KCNMB2: variants seen among roughly 807,000 people sequenced by gnomAD.
The protein encoded by KCNMB2 is calcium-activated potassium channel subunit beta-2.
KCNMB2 carries 9 observed loss-of-function variants against 24.5 expected under a neutral mutation model. The ratio of observed to expected loss-of-function variants is 0.37; its 90% CI spans 0.22 to 0.64. The LOEUF (loss-of-function observed/expected upper bound fraction) is 0.64. Among genes scored for constraint, KCNMB2 ranks in the 30% least tolerant of loss-of-function variants. The probability of loss-of-function intolerance (pLI) is 0.63; values close to 1 mark genes in which losing one functional copy is unlikely to be tolerated. For synonymous variants in KCNMB2, 109 were observed against 104.4 expected (o/e 1.04, Z -0.27); for missense variants, 226 against 284.3 (o/e 0.79, Z 1.47).
At chr3:178,764,566 G>A (rs539292274) in intron 1 of KCNMB2, among the ~76,000 whole-genome samples, 4 of 152,084 alleles carry the variant, frequency 2.6e-5, no homozygotes, top group East Asian at 1.9e-4. Context: ...TACATTCTAC[G>A]TTACTCACAG....
chr3:178,801,983 A>G (rs578190436), intron 1 of KCNMB2: 1 of 152,338 alleles, frequency 6.6e-6, no homozygotes, highest in African/African-American at 2.4e-5. Context: ...GAATGAACTA[A>G]AACAAAGTAA....
At chr3:178,708,443 T>C (rs1293855785) in intron 1 of KCNMB2, among the ~76,000 whole-genome samples, 3 of 152,144 alleles carry the variant, frequency 2.0e-5, no homozygotes, top group Non-Finnish European at 4.4e-5. Context: ...ATGCTATTGT[T>C]TACCTCATTT....
At chr3:178,723,361 T>A (rs897645564) in intron 1 of KCNMB2, among the ~76,000 whole-genome samples, 1 of 152,206 alleles carries the variant, frequency 6.6e-6, no homozygotes, top group Non-Finnish European at 1.5e-5. Flanking sequence ...GCATAATATG[T>A]CTCTCCATCT....
chr3:178,824,534 A>AT (rs1272995210), intron 2 of KCNMB2: 12 of 142,350 alleles, frequency 8.4e-5, no homozygotes, highest in Admixed American at 3.5e-4. Flanking sequence ...CGCCCGGCTA[A>AT]TTTTTTGTAT....
intron 1 of KCNMB2, among the ~76,000 whole-genome samples, chr3:178,636,531 G>GTGATATCAC (rs1366048456): frequency 9.9e-5 from 15 of 152,202 alleles, no homozygotes; most frequent in African/African-American, 3.6e-4. Context: ...TAATTGCCTT[G>GTGATATCAC]TGATATCACT....
At chr3:178,771,320 C>T (rs547737875) in intron 1 of KCNMB2, among the ~76,000 whole-genome samples, 2 of 152,122 alleles carry the variant, frequency 1.3e-5, no homozygotes, top group Admixed American at 6.5e-5. Flanking sequence ...GCCAGAAGGA[C>T]TCCATTAAAA....
chr3:178,772,586 C>A (rs1344364363), intron 1 of KCNMB2, among the ~76,000 whole-genome samples: 1 of 152,194 alleles, frequency 6.6e-6, no homozygotes, highest in Non-Finnish European at 1.5e-5. Flanking sequence ...TCCAATAAAT[C>A]TCTTACTTTT....
chr3:178,698,742 T>C (rs1352293914), intron 1 of KCNMB2, among the ~76,000 whole-genome samples: 1 of 152,252 alleles, frequency 6.6e-6, no homozygotes, highest in African/African-American at 2.4e-5. Flanking sequence ...CTCATCTTTG[T>C]GGGTTTATCT....
chr3:178,696,960 G>A (rs1242082089), intron 1 of KCNMB2, among the ~76,000 whole-genome samples: 1 of 152,182 alleles, frequency 6.6e-6, no homozygotes, highest in African/African-American at 2.4e-5. Context: ...TTGTGCTGTG[G>A]TCCAAGAGAT....
chr3:178,794,401 T>TA (rs34358884), intron 1 of KCNMB2, among the ~76,000 whole-genome samples: 48,376 of 150,608 alleles, frequency 0.32, 7,732 homozygotes, highest in Middle Eastern at 0.38. Context: ...AAGCACCATC[T>TA]AAAAAAAAAG....
intron 1 of KCNMB2, among the ~76,000 whole-genome samples, chr3:178,790,824 C>A (rs560145165): frequency 6.6e-6 from 1 of 152,280 alleles, no homozygotes; most frequent in South Asian, 2.1e-4. Flanking sequence ...CCTGGTAATC[C>A]AGGGACTTCT....
intron 2 of KCNMB2, among the ~76,000 whole-genome samples, chr3:178,810,390 C>A (rs571616081): frequency 6.6e-5 from 10 of 152,274 alleles, no homozygotes; most frequent in Non-Finnish European, 1.0e-4. Flanking sequence ...ACCTCCTCTT[C>A]CTGAGAACAG....
At chr3:178,642,651 G>A (rs990498767) in intron 1 of KCNMB2, among the ~76,000 whole-genome samples, 7 of 152,086 alleles carry the variant, frequency 4.6e-5, no homozygotes, top group Non-Finnish European at 1.5e-5. Context: ...TCATTTCCTG[G>A]GATTTCAAAT....
chr3:178,633,486 C>T (rs1328767146), intron 1 of KCNMB2, among the ~76,000 whole-genome samples: 1 of 152,234 alleles, frequency 6.6e-6, no homozygotes, highest in Non-Finnish European at 1.5e-5. Context: ...GGGGCTCACA[C>T]CCTCTGAAGC....
chr3:178,673,173 A>G (rs9868067), intron 1 of KCNMB2, among the ~76,000 whole-genome samples: 52,111 of 151,812 alleles, frequency 0.34, 9,984 homozygotes, highest in African/African-American at 0.52. Flanking sequence ...ATTCAGAAAA[A>G]CCTCAACCCT....
intron 1 of KCNMB2, among the ~76,000 whole-genome samples, chr3:178,582,612 T>C (rs1412785411): frequency 6.6e-6 from 1 of 152,224 alleles, no homozygotes; most frequent in Non-Finnish European, 1.5e-5. Flanking sequence ...GTTTTACAAA[T>C]ACAGGGCAAG....
At chr3:178,541,668 T>C (rs1715624023) in intron 1 of KCNMB2, among the ~76,000 whole-genome samples, 1 of 152,202 alleles carries the variant, frequency 6.6e-6, no homozygotes, top group Non-Finnish European at 1.5e-5. Flanking sequence ...GGTAGTGTGA[T>C]GTGAAAAGGA....
At position 178,681,211 on chromosome 3, in the gene KCNMB2, C is replaced by T. The variant is rs1721259840; in HGVS notation, c.-67-126132C>T. ...GCATAGATTTCAGATCATCATCTCA[C>T]ACTTACTAATTAGAGTCACTGAAAC... On this transcript the variant is annotated intron_variant, in intron 1 of 4. Transcript: ENST00000452583. 2.0e-5 allele frequency among the ~76,000 whole-genome samples: 3 copies of T among 152,346 alleles called. No homozygotes were observed. The South Asian group carries it at 6.2e-4, about 32-fold the overall frequency.
At chr3:178,617,660 C>T (rs145784598) in intron 1 of KCNMB2, among the ~76,000 whole-genome samples, 5 of 152,066 alleles carry the variant, frequency 3.3e-5, no homozygotes, top group African/African-American at 1.2e-4. Context: ...GAGGCCAAGG[C>T]AGGCGGATCA....
Sources: gnomAD v4.1 joint callset for allele counts (sites outside exome capture counted in the v4.1 genomes callset) on GRCh38, gnomAD v4.1.1 for gene constraint, MANE v1.5 for transcripts, NCBI Gene and HGNC (gene_info 2026-07-23, HGNC 2026-07-21) for gene names.